Variants in FHOD3 observed in about 807,000 individuals in gnomAD.
The protein encoded by FHOD3 is FH1/FH2 domain-containing protein 3.
In FHOD3, 90 loss-of-function variants were observed where a neutral mutation model predicts 173.0. The ratio of observed to expected loss-of-function variants is 0.52; its 90% CI spans 0.44 to 0.62. The LOEUF is 0.62. Ranked by LOEUF, FHOD3 falls within the 20% of genes least tolerant of loss-of-function variation. FHOD3 has a pLI of 0.00. For missense variants in FHOD3, 1,945 were observed against 2,034.7 expected, an observed-to-expected ratio of 0.96 and a Z score of 0.85; for synonymous variants, 828 against 823.0, an observed-to-expected ratio of 1.01 and a Z score of -0.10.
chr18:36,488,951 G>A (rs2054323988), intron 3 of FHOD3, among the ~76,000 whole-genome samples: 1 of 152,152 alleles, frequency 6.6e-6, no homozygotes, highest in African/African-American at 2.4e-5. Flanking sequence ...CAGGAGCCGA[G>A]GGTGGCAGGT....
intron 3 of FHOD3, among the ~76,000 whole-genome samples, chr18:36,427,347 A>G (rs2050306216): frequency 6.6e-6 from 1 of 151,112 alleles, no homozygotes; most frequent in Admixed American, 6.6e-5. Context: ...CAGAATATGA[A>G]TCTTGGCATG....
intron 6 of FHOD3, among the ~76,000 whole-genome samples, chr18:36,585,584 A>G (rs1172285053): frequency 6.6e-6 from 1 of 152,262 alleles, no homozygotes; most frequent in Non-Finnish European, 1.5e-5. Context: ...GTCTCCAGAC[A>G]CAGGGCTAAA....
rs2036143637 is a variant in FHOD3 at position 36,652,678 on chromosome 18, G to T, written c.1395G>T (p.Leu465=). The change falls in exon 12 of 29, where the codon CTG becomes CTT. Residue 465 remains leucine (L), a synonymous_variant. Coordinates refer to ENST00000590592, the MANE Select transcript of FHOD3 (RefSeq NM_001281740.3). ...CCAGCTCGCAGGGAAAGCCGCTTCT[G>T]GTTGGCACTGCAGGCGGGACCACCT... ...SNASSQGKPL[L]VGTAGGTTWH... 6.5e-7 allele frequency: 1 copy of T among 1,535,596 alleles called. No homozygotes were observed. Among genetic ancestry groups the T allele is most frequent in the South Asian group, 1.2e-5 (1 of 84,042 alleles).
chr18:36,298,134 C>A, intron 1 of FHOD3, 134 bp downstream of exon 1: 3 of 730,870 alleles, frequency 4.1e-6, no homozygotes, highest in Non-Finnish European at 6.1e-6. Context: ...CGCTCGAGGG[C>A]AAATCCCCCT....
At position 36,355,627 on chromosome 18, in the gene FHOD3, G is replaced by T. The variant is rs768664285; in HGVS notation, c.254G>T (p.Gly85Val). The change falls in exon 2 of 29, where the codon GGC (glycine) becomes GTC (valine). Residue 85 changes from glycine to valine, a missense_variant. By Grantham distance (109) the Gly-to-Val change is moderately radical (BLOSUM62 -3). This residue lies in a region of FHOD3 where 245 missense variants were observed against 267.7 expected (regional missense o/e 0.92). Transcript: ENST00000590592. Reference protein sequence around the residue: ...TLAEQRDELEGFQDDAGRGKK... With the variant: ...TLAEQRDELEVFQDDAGRGKK... Reference sequence around the variant, plus strand: ...GCAGAGCAGCGGGATGAGTTGGAAGGCTTCCAGGATGACGCCGGGTAAGAG... The same window carrying T: ...GCAGAGCAGCGGGATGAGTTGGAAGTCTTCCAGGATGACGCCGGGTAAGAG... 6.2e-7 allele frequency: 1 copy of T among 1,614,126 alleles called. No individual in the cohort carries two copies. Among genetic ancestry groups the T allele is most frequent in the Non-Finnish European group, 8.5e-7 (1 of 1,179,988 alleles).
intron 4 of FHOD3, among the ~76,000 whole-genome samples, chr18:36,502,909 T>C (rs2055114125): frequency 6.6e-6 from 1 of 152,234 alleles, no homozygotes; most frequent in Non-Finnish European, 1.5e-5. Context: ...GAGAATGGGA[T>C]AGGTGTAGGC....
chr18:36,718,338 G>A lies in FHOD3; in HGVS notation c.3040G>A (p.Gly1014Ser). 6.2e-7 allele frequency: 1 copy of A among 1,613,694 alleles called. No individual in the cohort carries two copies. Among genetic ancestry groups the A allele is most frequent in the Non-Finnish European group, 8.5e-7 (1 of 1,179,930 alleles). Residue 1014 changes from glycine to serine, a missense_variant, in exon 19 of 29, where the codon GGT becomes AGT. Transcript: ENST00000590592. ...DDIDVLDVDL[G>S]HREAPGPPPP... ...CATTGATGTCCTAGATGTGGACCTG[G>A]GTCACAGGGAGGCCCCTGGGCCACC...
chr18:36,512,484 C>T lies in FHOD3; in HGVS notation c.452C>T (p.Thr151Ile). Residue 151 changes from threonine to isoleucine, a missense_variant, in exon 5 of 29, where the codon ACA becomes ATA. Thr to Ile is a moderately conservative substitution (Grantham distance 89). This residue lies in a region of FHOD3 where 245 missense variants were observed against 267.7 expected (regional missense o/e 0.92). Coordinates refer to ENST00000590592, the MANE Select transcript of FHOD3 (RefSeq NM_001281740.3). ...VHEFVVAEGL[T>I]CLIKVGAEAD... The stretch of plus-strand genomic sequence containing the variant: ...GAATTTGTAGTGGCTGAAGGTCTGA[C>T]ATGTTTGATCAAGGTGGGAGCTGAG... The T allele has an allele frequency of 1.2e-6, 2 of 1,614,118 alleles. No homozygotes were observed. The highest frequency in any genetic ancestry group is 2.2e-5 in the South Asian group (2 of 91,078).
chr18:36,555,736 G>T (rs889118214), intron 5 of FHOD3, among the ~76,000 whole-genome samples: 5 of 152,002 alleles, frequency 3.3e-5, no homozygotes, highest in Non-Finnish European at 7.4e-5. Flanking sequence ...AGAGCTTAAG[G>T]TTTACATTTG....
intron 1 of FHOD3, among the ~76,000 whole-genome samples, chr18:36,347,203 A>C (rs996574765): frequency 6.6e-6 from 1 of 152,270 alleles, no homozygotes; most frequent in African/African-American, 2.4e-5. Flanking sequence ...GAAACGGAAA[A>C]TGGCAAAAGG....
At chr18:36,670,754 G>A (rs1177487107) in intron 14 of FHOD3, among the ~76,000 whole-genome samples, 1 of 151,832 alleles carries the variant, frequency 6.6e-6, no homozygotes. Flanking sequence ...GTCATATTTT[G>A]TAAATTTTAT....
intron 18 of FHOD3, among the ~76,000 whole-genome samples, chr18:36,716,361 G>A (rs1466349616): frequency 1.3e-5 from 2 of 152,192 alleles, no homozygotes; most frequent in Non-Finnish European, 2.9e-5. Flanking sequence ...TGGATGTGGA[G>A]GATGAAAGAA....
intron 3 of FHOD3, among the ~76,000 whole-genome samples, chr18:36,463,304 A>T (rs1229945562): frequency 4.1e-4 from 1 of 2,442 alleles, no homozygotes; most frequent in African/African-American, 2.6e-3. Flanking sequence ...GTGCCACTAA[A>T]ATATATATAT....
intron 3 of FHOD3, among the ~76,000 whole-genome samples, chr18:36,387,020 G>A (rs924926974): frequency 1.3e-5 from 2 of 152,138 alleles, no homozygotes; most frequent in African/African-American, 4.8e-5. Context: ...GCCTTCCTTT[G>A]GAATATCTAT....
intron 3 of FHOD3, among the ~76,000 whole-genome samples, chr18:36,374,531 CAA>C (rs1361200448): frequency 1.3e-5 from 2 of 152,170 alleles, no homozygotes; most frequent in African/African-American, 4.8e-5. Flanking sequence ...GGAAAAGACT[CAA>C]AATTAGTCAC....
intron 6 of FHOD3, among the ~76,000 whole-genome samples, chr18:36,588,737 A>G (rs1385986120): frequency 6.6e-6 from 1 of 152,194 alleles, no homozygotes; most frequent in Non-Finnish European, 1.5e-5. Flanking sequence ...TTTACGTGTA[A>G]AAGTATTAAG....
intron 28 of FHOD3, among the ~76,000 whole-genome samples, chr18:36,773,895 A>C (rs1481752658): frequency 6.6e-6 from 1 of 152,232 alleles, no homozygotes; most frequent in East Asian, 1.9e-4. Context: ...CATTGTCAGC[A>C]TAGCACTTGG....
At chr18:36,649,431 C>T in intron 11 of FHOD3, 26 bp downstream of exon 11, 3 of 1,513,356 alleles carry the variant, frequency 2.0e-6, no homozygotes, top group South Asian at 2.4e-5. Context: ...GCCTCCCAAG[C>T]TCACACTAAA....
chr18:36,677,897 T>C (rs565077210), intron 14 of FHOD3, among the ~76,000 whole-genome samples: 1 of 152,330 alleles, frequency 6.6e-6, no homozygotes, highest in South Asian at 2.1e-4. Context: ...TTGGGTCTTT[T>C]AATAAGGTTT....
Sources: allele counts gnomAD v4.1 joint callset (sites outside exome capture counted in the v4.1 genomes callset), GRCh38; gene constraint gnomAD v4.1.1; regional missense constraint gnomAD v4.1.1; transcripts MANE v1.5; gene names NCBI Gene and HGNC (gene_info 2026-07-23, HGNC 2026-07-21).